NRG2: variants seen among roughly 807,000 people sequenced by gnomAD.
NRG2 encodes the protein pro-neuregulin-2, membrane-bound isoform.
Under a neutral mutation model 73.9 loss-of-function variants are expected in NRG2, and 27 were observed. The observed-to-expected ratio is 0.37, with a 90% CI of 0.27 to 0.50. The LOEUF (loss-of-function observed/expected upper bound fraction) is 0.50. NRG2 is among the 20% of genes least tolerant of loss of function. The pLI is 0.96. For missense variants in NRG2, 1,126 were observed against 1,210.1 expected (o/e 0.93, Z 1.03); for synonymous variants, 532 against 541.0 (o/e 0.98, Z 0.23).
At chr5:139,913,442 T>C (rs1032075368) in intron 1 of NRG2, among the ~76,000 whole-genome samples, 1 of 152,234 alleles carries the variant, frequency 6.6e-6, no homozygotes, top group African/African-American at 2.4e-5. Context: ...AGTGGAGTAC[T>C]TCCTTTACAT....
chr5:139,899,818 A>G (rs902652717), intron 1 of NRG2, among the ~76,000 whole-genome samples: 2 of 152,200 alleles, frequency 1.3e-5, no homozygotes, highest in Non-Finnish European at 1.5e-5. Flanking sequence ...GGGGCATGGA[A>G]GAGCCCAGAG....
intron 1 of NRG2, among the ~76,000 whole-genome samples, chr5:139,926,982 G>A (rs1752106080): frequency 6.6e-6 from 1 of 152,160 alleles, no homozygotes; most frequent in Admixed American, 6.5e-5. Context: ...CAGACCTTCT[G>A]CCAGGCAGTT....
rs1215856465 is a variant in NRG2 at position 139,887,826 on chromosome 5, T to C, written c.701-315A>G. 2.0e-5 allele frequency among the ~76,000 whole-genome samples: 3 copies of C among 152,106 alleles called. No individual in the cohort carries two copies. The highest frequency in any genetic ancestry group is 1.3e-4 in the Admixed American group (2 of 15,262). On this transcript the variant is annotated intron_variant, in intron 1 of 9. Coordinates refer to ENST00000361474, the MANE Select transcript of NRG2 (RefSeq NM_004883.3). The surrounding 1 kb of genome is among the most constrained non-coding windows in gnomAD (Gnocchi z 4.5). ...AGCAATGGTTAAACCCACTTACAGA[T>C]GGGGAAACAGAGGCTCGGAATGGTG...
rs1761130254 is a variant in NRG2 at position 139,848,208 on chromosome 5, C to T, written c.2262G>A (p.Gln754=). 3.1e-6 allele frequency: 4 copies of T among 1,287,290 alleles called. No individual in the cohort carries two copies. The highest frequency in any genetic ancestry group is 1.6e-5 in the African/African-American group (1 of 63,516). The allele number at this position is 1,287,290 out of a possible 1,614,324, so 79.7% of individuals were successfully genotyped here. ...GCGAGTCCCTCGCCGCCCGTGCGCG[C>T]TGCGCCGCCAGCCCGTTGAGGCGCG... ...RRSRLNGLAA[Q]RARAARDSLS... The change falls in exon 10 of 10, where the codon CAG becomes CAA. Residue 754 remains glutamine (Q), a synonymous_variant. Transcript: ENST00000361474.
intron 1 of NRG2, among the ~76,000 whole-genome samples, chr5:139,897,706 C>T (rs967756746): frequency 1.3e-4 from 20 of 152,126 alleles, no homozygotes; most frequent in Admixed American, 6.5e-5. Flanking sequence ...TGTGAGCACT[C>T]GCTGGAGGGT....
At chr5:140,010,561 T>A (rs919992262) in intron 1 of NRG2, among the ~76,000 whole-genome samples, 10 of 152,158 alleles carry the variant, frequency 6.6e-5, no homozygotes, top group African/African-American at 2.4e-4. Flanking sequence ...ATCTCTGTGC[T>A]TCATCTCAAT....
intron 1 of NRG2, among the ~76,000 whole-genome samples, chr5:139,989,982 G>A (rs935070146): frequency 1.3e-5 from 2 of 151,154 alleles, no homozygotes; most frequent in East Asian, 1.9e-4. Flanking sequence ...TAGAGACGGG[G>A]TTTCACCATG....
chr5:140,018,420 TAGA>T (rs1168812863), intron 1 of NRG2, among the ~76,000 whole-genome samples: 2 of 152,194 alleles, frequency 1.3e-5, no homozygotes, highest in African/African-American at 4.8e-5. Context: ...ATGGTAACTT[TAGA>T]AGAGGAAAAC....
chr5:139,968,380 G>A (rs978030929), intron 1 of NRG2, among the ~76,000 whole-genome samples: 2 of 152,198 alleles, frequency 1.3e-5, no homozygotes, highest in East Asian at 3.9e-4. Context: ...GCCTCAAGGG[G>A]GCCTAGTTTA....
At chr5:139,948,081 C>T (rs190900246) in intron 1 of NRG2, among the ~76,000 whole-genome samples, 3 of 152,176 alleles carry the variant, frequency 2.0e-5, no homozygotes, top group Non-Finnish European at 4.4e-5. Context: ...TCTCCTCCCC[C>T]ACCCAACCCC....
chr5:139,987,133 A>T (rs1471532299), intron 1 of NRG2, among the ~76,000 whole-genome samples: 1 of 151,800 alleles, frequency 6.6e-6, no homozygotes, highest in African/African-American at 2.4e-5. Context: ...GCACTTTGGG[A>T]GGCCGAGGCG....
In NRG2 at chr5:139,847,356, T is replaced by C. The variant is rs1213402410; in HGVS notation, c.*561A>G. ...CTGTGTCTTTATCTCCCCCTGGAAG[T>C]TACCCCAGCTCCAGCTCCAAGCCTA... On this transcript the variant is annotated 3_prime_UTR_variant, in exon 10 of 10. Coordinates refer to ENST00000361474, the MANE Select transcript of NRG2 (RefSeq NM_004883.3). 2.6e-5 allele frequency: 4 copies of C among 151,368 alleles called. No homozygotes were observed. The highest frequency in any genetic ancestry group is 2.6e-4 in the Admixed American group (4 of 15,202). The allele number at this position is 151,368 out of a possible 1,614,324, so 9.4% of individuals were successfully genotyped here. A position where few individuals can be genotyped will look rare whatever the true frequency, so the allele number is the denominator to read the frequency against.
chr5:139,977,648 A>G (rs1031947344), intron 1 of NRG2, among the ~76,000 whole-genome samples: 1 of 152,164 alleles, frequency 6.6e-6, no homozygotes, highest in Non-Finnish European at 1.5e-5. Context: ...CAATCCTAAG[A>G]CAAAAGAACA....
At chr5:139,988,948 AAAAC>A (rs1375896745) in intron 1 of NRG2, among the ~76,000 whole-genome samples, 1 of 152,018 alleles carries the variant, frequency 6.6e-6, no homozygotes, top group Non-Finnish European at 1.5e-5. Flanking sequence ...ACACTGCTCT[AAAAC>A]AAACAGTCTT....
chr5:139,864,452 G>T (rs1217512399), intron 5 of NRG2, among the ~76,000 whole-genome samples: 1 of 149,194 alleles, frequency 6.7e-6, no homozygotes, highest in Non-Finnish European at 1.5e-5. Flanking sequence ...AAGAAAGGAA[G>T]GGAATAAAAT....
chr5:139,936,414 C>A (rs1225385451), intron 1 of NRG2, among the ~76,000 whole-genome samples: 1 of 152,078 alleles, frequency 6.6e-6, no homozygotes, highest in Non-Finnish European at 1.5e-5. Context: ...ATATTAAATT[C>A]TTTAAAAATT....
At chr5:139,969,053 C>G (rs915104692) in intron 1 of NRG2, among the ~76,000 whole-genome samples, 11 of 152,210 alleles carry the variant, frequency 7.2e-5, no homozygotes, top group African/African-American at 2.7e-4. Context: ...GCGTGGCAGC[C>G]CACAGTCCTA....
At chr5:139,970,994 C>G (rs1035386191) in intron 1 of NRG2, among the ~76,000 whole-genome samples, 3 of 151,994 alleles carry the variant, frequency 2.0e-5, no homozygotes, top group African/African-American at 7.3e-5. Flanking sequence ...TAATGAATCT[C>G]CATCCTTCTT....
In NRG2 at chr5:140,042,606, G is replaced by C; in HGVS notation, c.464C>G (p.Ser155Trp). 1 of 1,611,008 alleles carries C rather than the reference G, an allele frequency of 6.2e-7. No individual in the cohort carries two copies. The highest frequency in any genetic ancestry group is 1.1e-5 in the South Asian group (1 of 90,874). ...CACCTTTACCAACGCCACCCGACCC[G>C]AGGCGGGCGGCTCTCGGGTGCTGTT... ...SSNSTREPPA[S>W]GRVALVKVLD... is the part of the protein sequence containing the mutation. The change falls in exon 1 of 10, where the codon TCG (serine) becomes TGG (tryptophan). Residue 155 changes from serine to tryptophan, a missense_variant. Coordinates refer to ENST00000361474, the MANE Select transcript of NRG2 (RefSeq NM_004883.3).
Sources: gnomAD v4.1 joint callset for allele counts (sites outside exome capture counted in the v4.1 genomes callset) on GRCh38, gnomAD v4.1.1 for gene constraint, Gnocchi (gnomAD v3.1) non-coding constraint, MANE v1.5 for transcripts, NCBI Gene and HGNC (gene_info 2026-07-23, HGNC 2026-07-21) for gene names.